The following NPAS3 variants were observed in gnomAD, a reference collection of about 807,000 sequenced individuals.
NPAS3 encodes neuronal PAS domain-containing protein 3.
NPAS3 carries 14 observed loss-of-function variants against 73.1 expected under a neutral mutation model. That is an observed-to-expected ratio of 0.19 (90% CI 0.13 to 0.30). The LOEUF is 0.30. NPAS3 is among the 10% of genes least tolerant of loss of function. The pLI is 1.00. For synonymous variants in NPAS3, 620 were observed against 541.5 expected, an observed-to-expected ratio of 1.14 and a Z score of -2.01; for missense variants, 1,096 against 1,250.0, an observed-to-expected ratio of 0.88 and a Z score of 1.86.
chr14:33,513,986 A>G (rs1412056117), intron 4 of NPAS3, among the ~76,000 whole-genome samples: 1 of 152,040 alleles, frequency 6.6e-6, no homozygotes, highest in East Asian at 1.9e-4. Flanking sequence ...TAATTGTTTA[A>G]TAATTCTTCC....
intron 4 of NPAS3, among the ~76,000 whole-genome samples, chr14:33,517,742 G>A (rs553282943): frequency 9.3e-4 from 141 of 152,098 alleles, no homozygotes; most frequent in African/African-American, 3.1e-3. Flanking sequence ...TTAAATCACC[G>A]TTACATACTT....
chr14:33,253,182 T>A (rs1252205942), intron 3 of NPAS3, among the ~76,000 whole-genome samples: 2 of 152,132 alleles, frequency 1.3e-5, no homozygotes, highest in Non-Finnish European at 2.9e-5. Flanking sequence ...TTTTCAGTTT[T>A]TTTGAGAAGT....
At position 33,184,462 on chromosome 14, in the gene NPAS3, A is replaced by G. The variant is rs146989706; in HGVS notation, c.141-30720A>G. On this transcript the variant is annotated intron_variant, in intron 2 of 11. Transcript: ENST00000356141. ...GTTGATGAGTTTGGAGCTTATGGTA[A>G]AGGCAATGGGAAGCCATACAAGTTT... 1.9e-3 allele frequency among the ~76,000 whole-genome samples: 286 copies of G among 152,254 alleles called. 1 individual carries two copies. Among genetic ancestry groups the G allele is most frequent in the Non-Finnish European group, 3.5e-3 (239 of 68,030 alleles).
At chr14:33,327,658 AG>A (rs1282693748) in intron 3 of NPAS3, among the ~76,000 whole-genome samples, 1 of 152,230 alleles carries the variant, frequency 6.6e-6, no homozygotes, top group Non-Finnish European at 1.5e-5. Flanking sequence ...AATAAGGGGA[AG>A]TTTCTTCATA....
chr14:33,241,321 CT>C (rs2048207234), intron 3 of NPAS3, among the ~76,000 whole-genome samples: 3 of 152,008 alleles, frequency 2.0e-5, no homozygotes, highest in South Asian at 4.1e-4. Flanking sequence ...ATAAATTCAA[CT>C]GATTTTTTCT....
intron 6 of NPAS3, among the ~76,000 whole-genome samples, chr14:33,690,641 G>A (rs1353830679): frequency 6.6e-6 from 1 of 152,038 alleles, no homozygotes; most frequent in Non-Finnish European, 1.5e-5. Context: ...ACATGTAAAA[G>A]AGAGGCAGAA....
intron 2 of NPAS3, among the ~76,000 whole-genome samples, chr14:33,178,448 A>C (rs1045988166): frequency 2.0e-5 from 3 of 152,164 alleles, no homozygotes; most frequent in Non-Finnish European, 4.4e-5. Flanking sequence ...TGAACATGGA[A>C]TGTCTTTCCA....
intron 3 of NPAS3, among the ~76,000 whole-genome samples, chr14:33,233,290 T>C (rs1019003367): frequency 2.0e-5 from 3 of 152,092 alleles, no homozygotes; most frequent in African/African-American, 7.2e-5. Flanking sequence ...TTAAAATAAA[T>C]GAATGGCCTT....
At chr14:32,942,729 G>A (rs1288869529) in intron 1 of NPAS3, among the ~76,000 whole-genome samples, 1 of 152,176 alleles carries the variant, frequency 6.6e-6, no homozygotes, top group African/African-American at 2.4e-5. Flanking sequence ...TCTATCTACA[G>A]TATAAGCTTA....
chr14:33,537,444 A>G (rs947023142), intron 4 of NPAS3, among the ~76,000 whole-genome samples: 1 of 152,216 alleles, frequency 6.6e-6, no homozygotes, highest in African/African-American at 2.4e-5. Flanking sequence ...CAACACAGGC[A>G]TAAACTTTTA....
At chr14:33,167,190 A>G (rs1445323851) in intron 2 of NPAS3, among the ~76,000 whole-genome samples, 1 of 152,216 alleles carries the variant, frequency 6.6e-6, no homozygotes, top group Non-Finnish European at 1.5e-5. Flanking sequence ...ATTAGCAACA[A>G]AAGACAATGC....
intron 4 of NPAS3, among the ~76,000 whole-genome samples, chr14:33,555,952 A>G (rs550699159): frequency 5.9e-5 from 9 of 151,682 alleles, no homozygotes; most frequent in Non-Finnish European, 1.3e-4. Flanking sequence ...TAATTTAACT[A>G]GTTGTTTTCC....
intron 2 of NPAS3, among the ~76,000 whole-genome samples, chr14:33,110,712 C>T (rs1212182590): frequency 6.6e-6 from 1 of 152,118 alleles, no homozygotes; most frequent in Admixed American, 6.5e-5. Flanking sequence ...CCTACTGCTT[C>T]CTGGGATTCA....
intron 9 of NPAS3, among the ~76,000 whole-genome samples, chr14:33,786,613 T>C (rs759129463): frequency 6.6e-6 from 1 of 152,254 alleles, no homozygotes; most frequent in Non-Finnish European, 1.5e-5. Flanking sequence ...CTTTGCGCTT[T>C]CATAGACCTA....
At chr14:33,288,291 C>T (rs1344474686) in intron 3 of NPAS3, among the ~76,000 whole-genome samples, 1 of 152,052 alleles carries the variant, frequency 6.6e-6, no homozygotes, top group East Asian at 1.9e-4. Flanking sequence ...TTTCATACAT[C>T]CTCTGTGTAC....
At chr14:33,364,425 G>A (rs1190469686) in intron 3 of NPAS3, among the ~76,000 whole-genome samples, 2 of 152,174 alleles carry the variant, frequency 1.3e-5, no homozygotes, top group African/African-American at 2.4e-5. Context: ...GCTCCTACCA[G>A]GGACATAATG....
At chr14:33,214,894 T>C (rs918483356) in intron 2 of NPAS3, 36 of 389,512 alleles carry the variant, frequency 9.2e-5, no homozygotes, top group Non-Finnish European at 1.6e-4. Flanking sequence ...TGTTAGGTCT[T>C]AGAAACAATA....
intron 3 of NPAS3, among the ~76,000 whole-genome samples, chr14:33,329,699 G>A (rs982665805): frequency 1.3e-5 from 2 of 152,106 alleles, no homozygotes; most frequent in Admixed American, 6.5e-5. Context: ...CAGGGTGGGA[G>A]TTGGGTTCTA....
intron 4 of NPAS3, among the ~76,000 whole-genome samples, chr14:33,376,209 C>G (rs1185481890): frequency 6.6e-6 from 1 of 151,962 alleles, no homozygotes; most frequent in Non-Finnish European, 1.5e-5. Flanking sequence ...ATTTCTTATT[C>G]AAAATTAACT....
Sources: gnomAD v4.1 joint callset for allele counts (sites outside exome capture counted in the v4.1 genomes callset) on GRCh38, gnomAD v4.1.1 for gene constraint, MANE v1.5 for transcripts, NCBI Gene and HGNC (gene_info 2026-07-23, HGNC 2026-07-21) for gene names.